CSGALNACT1: variants seen among roughly 807,000 people sequenced by gnomAD.
CSGALNACT1 encodes chondroitin sulfate N-acetylgalactosaminyltransferase 1.
Under a neutral mutation model 51.0 loss-of-function variants are expected in CSGALNACT1, and 52 were observed. The ratio of observed to expected loss-of-function variants is 1.02; its 90% confidence interval spans 0.82 to 1.29. The LOEUF (loss-of-function observed/expected upper bound fraction) is 1.29. CSGALNACT1 is among the 50% of genes most tolerant of loss of function. The probability of loss-of-function intolerance (pLI) is 0.00; values close to 1 mark genes in which losing one functional copy is unlikely to be tolerated. For missense variants in CSGALNACT1, 935 were observed against 679.2 expected (o/e 1.38, Z -4.19); for synonymous variants, 341 against 254.4 (o/e 1.34, Z -3.24).
upstream of CSGALNACT1, among the ~76,000 whole-genome samples, chr8:19,603,059 C>T (rs1052983162): frequency 1.2e-3 from 151 of 130,472 alleles, no homozygotes; most frequent in African/African-American, 5.6e-3. Flanking sequence ...CACACACACA[C>T]ACACACACAC....
upstream of CSGALNACT1, among the ~76,000 whole-genome samples, chr8:19,685,687 A>T (rs998707238): frequency 3.3e-5 from 5 of 152,164 alleles, no homozygotes; most frequent in African/African-American, 1.2e-4. Context: ...TTCAGATGAG[A>T]TGGAACGATG....
At chr8:19,494,450 C>A (rs1305244939) in intron 4 of CSGALNACT1, among the ~76,000 whole-genome samples, 1 of 152,170 alleles carries the variant, frequency 6.6e-6, no homozygotes, top group Non-Finnish European at 1.5e-5. Context: ...AATACATGAC[C>A]CTGTGCTGTC....
chr8:19,407,291 CCT>C lies in CSGALNACT1; in HGVS notation c.1310-1224_1310-1223del, dbSNP rs1288869875. 5.9e-5 allele frequency among the ~76,000 whole-genome samples: 9 copies of C among 152,162 alleles called. No individual in the cohort carries two copies. The East Asian group carries it at 1.6e-3, about 26-fold the overall frequency. On this transcript the variant is annotated intron_variant, in intron 9 of 9. Transcript: ENST00000454498. ...AACAATCGTGGGTCTACCCCTCGTC[CCT>C]GATTTTAAAGTGAGTAGCTTTAGGT...
chr8:19,553,983 A>T (rs1371580101), intron 3 of CSGALNACT1, among the ~76,000 whole-genome samples: 3 of 151,982 alleles, frequency 2.0e-5, no homozygotes, highest in Non-Finnish European at 4.4e-5. Context: ...GAATAGAGAA[A>T]AATAAGAAAA....
intron 4 of CSGALNACT1, among the ~76,000 whole-genome samples, chr8:19,492,869 G>C (rs2074655358): frequency 6.6e-6 from 1 of 151,950 alleles, no homozygotes; most frequent in Admixed American, 6.6e-5. Context: ...TCATAGTTTT[G>C]TCTGTTAAAC....
chr8:19,525,298 AC>A (rs1273584510), intron 3 of CSGALNACT1, among the ~76,000 whole-genome samples: 1 of 152,072 alleles, frequency 6.6e-6, no homozygotes, highest in African/African-American at 2.4e-5. Context: ...TTTTGTTTCT[AC>A]TGGCACTAAA....
intron 3 of CSGALNACT1, among the ~76,000 whole-genome samples, chr8:19,513,455 T>TATATATAC (rs1554650254): frequency 2.4e-4 from 34 of 141,890 alleles, no homozygotes; most frequent in African/African-American, 8.9e-4. Flanking sequence ...TATATATATA[T>TATATATAC]ATATATATTT....
At chr8:19,489,729 G>T (rs2073937579) in intron 4 of CSGALNACT1, among the ~76,000 whole-genome samples, 2 of 152,098 alleles carry the variant, frequency 1.3e-5, no homozygotes, top group Admixed American at 6.6e-5. Context: ...TCTTTTCACT[G>T]GCTGTCTTCA....
At chr8:19,490,779 G>C (rs983309955) in intron 4 of CSGALNACT1, among the ~76,000 whole-genome samples, 5 of 152,100 alleles carry the variant, frequency 3.3e-5, no homozygotes, top group African/African-American at 1.2e-4. Context: ...GCCTGCTCCA[G>C]CCTTGGTATT....
rs567363435 is a variant in CSGALNACT1 at position 19,484,972 on chromosome 8, T to C, written c.634+20229A>G. ...CCTATGCAAGCCAAGGAGAGAGCCC[T>C]CCGAAAAAACCAGACCTGCTGGCAC... is the stretch of plus-strand genomic sequence containing the variant. On this transcript the variant is annotated intron_variant, in intron 4 of 9. Transcript: ENST00000454498. Among the ~76,000 whole-genome samples, 3 of 152,124 alleles carry C rather than the reference T, an allele frequency of 2.0e-5. No homozygotes were observed. The East Asian group carries it at 5.8e-4, about 30-fold the overall frequency.
At chr8:19,684,233 C>G (rs1020914154), upstream of CSGALNACT1, among the ~76,000 whole-genome samples, 1 of 151,746 alleles carries the variant, frequency 6.6e-6, no homozygotes, top group African/African-American at 2.4e-5. Context: ...CAGATCAATG[C>G]AAGAGAACAG....
At chr8:19,493,713 A>G (rs1340639597) in intron 4 of CSGALNACT1, among the ~76,000 whole-genome samples, 2 of 152,206 alleles carry the variant, frequency 1.3e-5, no homozygotes, top group Non-Finnish European at 2.9e-5. Flanking sequence ...ATTGCATGCA[A>G]TTCCACATTC....
chr8:19,456,388 G>C (rs1297003362), intron 5 of CSGALNACT1, among the ~76,000 whole-genome samples: 1 of 152,148 alleles, frequency 6.6e-6, no homozygotes, highest in Admixed American at 6.5e-5. Flanking sequence ...TAAGACATAG[G>C]CAGCTTCTTT....
At chr8:19,689,671 T>C (rs1264760677) in intron 1 of CSGALNACT1, among the ~76,000 whole-genome samples, 1 of 152,234 alleles carries the variant, frequency 6.6e-6, no homozygotes, top group African/African-American at 2.4e-5. Flanking sequence ...GCTCCTGCTC[T>C]AGGCTTCAAC....
chr8:19,511,503 C>G (rs1304075216), intron 3 of CSGALNACT1, among the ~76,000 whole-genome samples: 1 of 152,188 alleles, frequency 6.6e-6, no homozygotes, highest in Non-Finnish European at 1.5e-5. Flanking sequence ...TTCAAATGCT[C>G]TCAAAAATGG....
intron 1 of CSGALNACT1, among the ~76,000 whole-genome samples, chr8:19,627,424 G>A (rs1302123091): frequency 6.6e-6 from 1 of 152,120 alleles, no homozygotes; most frequent in East Asian, 1.9e-4. Context: ...AAGGAAGTTA[G>A]TTCCTGGAAA....
chr8:19,596,421 G>A (rs2048913781), intron 2 of CSGALNACT1, among the ~76,000 whole-genome samples: 1 of 152,022 alleles, frequency 6.6e-6, no homozygotes, highest in Non-Finnish European at 1.5e-5. Flanking sequence ...CACGCCCTCT[G>A]CTTGTGACAG....
intron 1 of CSGALNACT1, among the ~76,000 whole-genome samples, chr8:19,704,713 G>C (rs1274056778): frequency 1.3e-5 from 2 of 152,116 alleles, no homozygotes; most frequent in Non-Finnish European, 2.9e-5. Flanking sequence ...TAAATGGATG[G>C]ATGGATGGAG....
intron 1 of CSGALNACT1, among the ~76,000 whole-genome samples, chr8:19,654,337 T>A (rs998850479): frequency 2.0e-5 from 3 of 152,180 alleles, no homozygotes; most frequent in African/African-American, 7.2e-5. Flanking sequence ...ACAGACTCAA[T>A]GTTTAACCTT....
Sources: allele counts gnomAD v4.1 joint callset (sites outside exome capture counted in the v4.1 genomes callset), GRCh38; gene constraint gnomAD v4.1.1; transcripts MANE v1.5; gene names NCBI Gene and HGNC (gene_info 2026-07-23, HGNC 2026-07-21).